The following AGTPBP1 variants were observed in gnomAD, a reference collection of about 807,000 sequenced individuals.
AGTPBP1 encodes ATP/GTP binding carboxypeptidase 1.
Under a neutral mutation model 143.9 loss-of-function variants are expected in AGTPBP1, and 70 were observed. That is an observed-to-expected ratio of 0.49 (90% confidence interval 0.40 to 0.59). The LOEUF is 0.59. Ranked by LOEUF, AGTPBP1 falls within the 20% of genes least tolerant of loss-of-function variation. The probability of loss-of-function intolerance (pLI) is 0.00; values close to 1 mark genes in which losing one functional copy is unlikely to be tolerated. For synonymous variants in AGTPBP1, 463 were observed against 500.2 expected (o/e 0.93, Z 0.99); for missense variants, 1,229 against 1,464.5 (o/e 0.84, Z 2.62).
chr9:85,784,655 T>C, the AGTPBP1 span, among the ~76,000 whole-genome samples: 1 of 152,222 alleles, frequency 6.6e-6, no homozygotes, highest in Admixed American at 6.5e-5. Flanking sequence ...CAACTTAGTA[T>C]GAGTTCCATG....
At chr9:85,761,280 G>A in the AGTPBP1 span, among the ~76,000 whole-genome samples, 1 of 152,294 alleles carries the variant, frequency 6.6e-6, no homozygotes, top group South Asian at 2.1e-4. Flanking sequence ...CTACTTTAAA[G>A]TTCATGTGGA....
At chr9:85,804,870 T>C in the AGTPBP1 span, among the ~76,000 whole-genome samples, 2 of 152,152 alleles carry the variant, frequency 1.3e-5, no homozygotes, top group African/African-American at 4.8e-5. Flanking sequence ...CCCTACTTCA[T>C]TGCCTGGAGG....
chr9:85,784,357 T>A, the AGTPBP1 span, among the ~76,000 whole-genome samples: 1 of 152,206 alleles, frequency 6.6e-6, no homozygotes. Flanking sequence ...TTTCTTATGA[T>A]CTTTTGAAAA....
chr9:85,804,616 G>A, the AGTPBP1 span, among the ~76,000 whole-genome samples: 11 of 152,342 alleles, frequency 7.2e-5, no homozygotes, highest in Middle Eastern at 3.4e-3. Context: ...GGGATTTATG[G>A]AGATAATGGG....
chr9:85,771,223 G>C, the AGTPBP1 span, among the ~76,000 whole-genome samples: 1 of 152,182 alleles, frequency 6.6e-6, no homozygotes, highest in African/African-American at 2.4e-5. Flanking sequence ...CCTAAGGCCA[G>C]GTGCAGTGGC....
chr9:85,790,013 T>C, the AGTPBP1 span, among the ~76,000 whole-genome samples: 2 of 152,236 alleles, frequency 1.3e-5, no homozygotes, highest in Admixed American at 1.3e-4. Flanking sequence ...GGTAGAAAGT[T>C]ACTTATGTCC....
chr9:85,723,988 G>T (rs1180472033), intron 1 of AGTPBP1, among the ~76,000 whole-genome samples: 2 of 152,062 alleles, frequency 1.3e-5, no homozygotes, highest in African/African-American at 4.8e-5. Context: ...CACCAGAACT[G>T]TTAGAAATAA....
intron 24 of AGTPBP1, among the ~76,000 whole-genome samples, chr9:85,576,009 T>C (rs1827875645): frequency 6.6e-6 from 1 of 152,186 alleles, no homozygotes; most frequent in South Asian, 2.1e-4. Flanking sequence ...GAAGTAGTGG[T>C]CAAATAAATT....
intron 10 of AGTPBP1, among the ~76,000 whole-genome samples, chr9:85,655,611 G>A (rs1833448798): frequency 1.3e-5 from 2 of 151,230 alleles, no homozygotes; most frequent in South Asian, 4.2e-4. Flanking sequence ...CAAGCCTAGG[G>A]CATAAAATAA....
chr9:85,746,024 G>A (rs1300970045), upstream of AGTPBP1, among the ~76,000 whole-genome samples: 2 of 152,114 alleles, frequency 1.3e-5, no homozygotes, highest in Admixed American at 6.5e-5. Flanking sequence ...TGTCAGCCAC[G>A]TTTACAGTAA....
chr9:85,632,303 A>G (rs912177983), intron 14 of AGTPBP1, among the ~76,000 whole-genome samples: 1 of 152,098 alleles, frequency 6.6e-6, no homozygotes, highest in African/African-American at 2.4e-5. Context: ...CCTATACTTA[A>G]CTCAAGTTCA....
At position 85,632,812 on chromosome 9, in the gene AGTPBP1, G is replaced by A. The variant is rs762826211; in HGVS notation, c.1865C>T (p.Pro622Leu). Residue 622 changes from proline to leucine, a missense_variant, in exon 14 of 26, where the codon CCA (proline) becomes CTA (leucine). Transcript: ENST00000357081. ...ATAGAGGTCTGGGTCATGGAGTGTT[G>A]GTCCATCAGGTACTTCAACCGATGC... ...EQASVEVPDGPTLHDPDLYIE... is the reference protein window; with the variant it reads ...EQASVEVPDGLTLHDPDLYIE... 2.5e-6 allele frequency: 4 copies of A among 1,614,094 alleles called. No individual in the cohort carries two copies. The highest frequency in any genetic ancestry group is 1.1e-5 in the South Asian group (1 of 91,080).
the AGTPBP1 span, among the ~76,000 whole-genome samples, chr9:85,754,889 C>G: frequency 6.6e-5 from 10 of 151,928 alleles, no homozygotes; most frequent in African/African-American, 2.4e-4. Context: ...TCTTTCAAAC[C>G]CCACTCACAG....
intron 9 of AGTPBP1, among the ~76,000 whole-genome samples, 174 bp from the exon 10 acceptor site, chr9:85,657,817 CA>C (rs1287654437): frequency 1.3e-5 from 2 of 151,968 alleles, no homozygotes; most frequent in Admixed American, 1.3e-4. Flanking sequence ...TATGAAGTTC[CA>C]GAGAGAAAAT....
intron 25 of AGTPBP1, chr9:85,553,943 T>C (rs1313963294): frequency 6.6e-6 from 1 of 152,202 alleles, no homozygotes; most frequent in Non-Finnish European, 1.5e-5. Context: ...CTGTCTCTGA[T>C]CATTCTCAGT....
chr9:85,645,342 T>C (rs190863449), intron 12 of AGTPBP1, among the ~76,000 whole-genome samples: 3 of 152,268 alleles, frequency 2.0e-5, no homozygotes, highest in South Asian at 4.1e-4. Flanking sequence ...AAGATGTCAA[T>C]GTTATAAGAC....
intron 17 of AGTPBP1, among the ~76,000 whole-genome samples, chr9:85,617,253 T>C (rs1426946935): frequency 6.6e-6 from 1 of 152,176 alleles, no homozygotes; most frequent in African/African-American, 2.4e-5. Context: ...TGATACAGCA[T>C]TTCATGTCTC....
chr9:85,559,974 T>C (rs1826597841), intron 25 of AGTPBP1, among the ~76,000 whole-genome samples: 1 of 152,216 alleles, frequency 6.6e-6, no homozygotes, highest in Admixed American at 6.5e-5. Context: ...TTCACTATTT[T>C]CTGACTCATC....
the AGTPBP1 span, among the ~76,000 whole-genome samples, chr9:85,792,758 A>C: frequency 7.4e-6 from 1 of 135,240 alleles, no homozygotes; most frequent in African/African-American, 3.8e-5. Context: ...TTACTTTATC[A>C]AATAAATGCT....
Sources: gnomAD v4.1 joint callset for allele counts (sites outside exome capture counted in the v4.1 genomes callset) on GRCh38, gnomAD v4.1.1 for gene constraint, MANE v1.5 for transcripts, NCBI Gene and HGNC (gene_info 2026-07-23, HGNC 2026-07-21) for gene names.